The following MUC17 variants were observed in gnomAD, a reference collection of about 807,000 sequenced individuals.
The protein encoded by MUC17 is mucin 17, cell surface associated.
In MUC17, 190 loss-of-function variants were observed where a neutral mutation model predicts 170.3. That is an observed-to-expected ratio of 1.12 (90% CI 0.99 to 1.26). The LOEUF is 1.26. Ranked by LOEUF, MUC17 falls within the 50% of genes most tolerant of loss-of-function variation. The pLI is 0.00. For missense variants in MUC17, 6,415 were observed against 5,530.0 expected (o/e 1.16, Z -5.08); for synonymous variants, 2,325 against 2,002.5 (o/e 1.16, Z -4.30).
chr7:101,034,347 T>C lies in MUC17; in HGVS notation c.2931T>C (p.Thr977=), dbSNP rs1794391406. 5.0e-6 allele frequency: 8 copies of C among 1,608,528 alleles called. No homozygotes were observed. The highest frequency in any genetic ancestry group is 6.8e-6 in the Non-Finnish European group (8 of 1,177,636). ...TAEGTSIPTS[T]PSEGTTPLTS... ...AAGGTACCAGCATACCAACCTCGAC[T>C]CCTAGTGAAGGAACGACTCCATTAA... Residue 977 remains threonine, a synonymous_variant, in exon 3 of 13, where the codon ACT becomes ACC. Coordinates refer to ENST00000306151, the MANE Select transcript of MUC17 (RefSeq NM_001040105.2).
At chr7:101,026,672 A>G (rs989749179) in intron 1 of MUC17, among the ~76,000 whole-genome samples, 7 of 152,022 alleles carry the variant, frequency 4.6e-5, no homozygotes, top group Admixed American at 3.9e-4. Flanking sequence ...GCAGCCTTGA[A>G]CTCCTGGGCT....
chr7:101,022,954 A>G (rs968233375), intron 1 of MUC17, among the ~76,000 whole-genome samples: 1 of 152,180 alleles, frequency 6.6e-6, no homozygotes, highest in African/African-American at 2.4e-5. Flanking sequence ...GGCTGTCATT[A>G]TAAAGCACAG....
rs919601060 is a variant in MUC17, at chr7:101,058,480, C to T, written c.*436C>T. The T allele has an allele frequency of 1.3e-5, 2 of 154,290 alleles. No individual in the cohort carries two copies. Among genetic ancestry groups the T allele is most frequent in the African/African-American group, 4.8e-5 (2 of 41,492 alleles). 9.6% of individuals were successfully genotyped at this position (154,290 alleles called of 1,614,324 possible). The stretch of plus-strand genomic sequence containing the variant: ...ACGACCTTCTCTGATAGAGGAGGAC[C>T]ACGCTTCAGTCAAAGGCATACAAGT... On this transcript the variant is annotated 3_prime_UTR_variant, in exon 13 of 13. Transcript: ENST00000306151.
In MUC17 at chr7:101,039,154, C is replaced by A; in HGVS notation, c.7738C>A (p.Pro2580Thr). The A allele has an allele frequency of 1.9e-6, 3 of 1,614,018 alleles. No homozygotes were observed. Among genetic ancestry groups the A allele is most frequent in the Non-Finnish European group, 2.5e-6 (3 of 1,179,964 alleles). ...AGGAAGCACTCCATTAAGAAGTATG[C>A]CTGTCAGCACCAAGCCGTTGGCCAG... Reference protein sequence around the residue: ...SEGSTPLRSMPVSTKPLASSE... With the variant: ...SEGSTPLRSMTVSTKPLASSE... The change falls in exon 3 of 13, where the codon CCT becomes ACT. Residue 2580 changes from proline to threonine, a missense_variant. Pro to Thr is a conservative substitution (Grantham distance 38). Transcript: ENST00000306151.
At position 101,051,965 on chromosome 7, in the gene MUC17, G is replaced by A; in HGVS notation, c.13103+3G>A. ...TCTCTAAGTGGACCTCAGTGCCTGT[G>A]AGTGCTCCCCCATCTCCTCCAGCCC... On this transcript the variant is annotated splice_donor_region_variant and intron_variant, in intron 9 of 12. Coordinates refer to ENST00000306151, the MANE Select transcript of MUC17 (RefSeq NM_001040105.2). 3 of 1,610,984 alleles carry A rather than the reference G, an allele frequency of 1.9e-6. No individual in the cohort carries two copies. Among genetic ancestry groups the A allele is most frequent in the East Asian group, 2.2e-5 (1 of 44,820 alleles).
Position 101,036,335 on chromosome 7 carries a change from C to T in MUC17, c.4919C>T (p.Thr1640Ile), listed in dbSNP as rs1441811246. 6.2e-7 allele frequency: 1 copy of T among 1,613,146 alleles called. No homozygotes were observed. The highest frequency in any genetic ancestry group is 8.5e-7 in the Non-Finnish European group (1 of 1,179,618). The change falls in exon 3 of 13, where the codon ACC becomes ATC. Residue 1640 changes from threonine (T) to isoleucine (I), a missense_variant. Coordinates refer to ENST00000306151, the MANE Select transcript of MUC17 (RefSeq NM_001040105.2). Reference protein sequence around the residue: ...SPLLTSIPVSTTPVASPEAST... With the variant: ...SPLLTSIPVSITPVASPEAST... ...CTATTAACAAGTATACCTGTCAGCACCACGCCGGTGGCCAGTCCTGAGGCT... is the reference window on the plus strand; with the variant it reads ...CTATTAACAAGTATACCTGTCAGCATCACGCCGGTGGCCAGTCCTGAGGCT...
Position 101,031,883 on chromosome 7 carries a change from G to A in MUC17, c.467G>A (p.Ser156Asn), listed in dbSNP as rs111227419. ...DVPMSTPSEE[S>N]ISSTMAFVST... Reference sequence around the variant, plus strand: ...CCCATGTCAACACCAAGTGAAGAAAGCATTTCATCAACAATGGCTTTTGTC... The same window carrying A: ...CCCATGTCAACACCAAGTGAAGAAAACATTTCATCAACAATGGCTTTTGTC... Residue 156 changes from serine to asparagine, a missense_variant, in exon 3 of 13, where the codon AGC becomes AAC. Transcript: ENST00000306151. 164 of 1,614,104 alleles carry A rather than the reference G, an allele frequency of 1.0e-4. No homozygotes were observed. In the African/African-American group the frequency reaches 1.7e-3, roughly 17 times the overall value.
At chr7:101,030,085 G>A (rs1235821928) in intron 1 of MUC17, among the ~76,000 whole-genome samples, 1 of 151,984 alleles carries the variant, frequency 6.6e-6, no homozygotes, top group Non-Finnish European at 1.5e-5. Context: ...TTGTTCTACG[G>A]GTCTAATTAA....
chr7:101,025,810 A>AG (rs1290412926), intron 1 of MUC17, among the ~76,000 whole-genome samples: 2 of 150,992 alleles, frequency 1.3e-5, no homozygotes, highest in Non-Finnish European at 3.0e-5. Context: ...AAAAAAAAAA[A>AG]AGCTGGGCAT....
rs772957849 is a variant in MUC17, at chr7:101,043,029, A to G, written c.11613A>G (p.Glu3871=). 6.2e-7 allele frequency: 1 copy of G among 1,614,150 alleles called. No individual in the cohort carries two copies. The highest frequency in any genetic ancestry group is 2.2e-5 in the East Asian group (1 of 44,884). The change falls in exon 3 of 13, where the codon GAA becomes GAG. Residue 3871 remains glutamate, a synonymous_variant. Coordinates refer to ENST00000306151, the MANE Select transcript of MUC17 (RefSeq NM_001040105.2). ...VTTIRISITS[E]RSTPLTTLLV... ...CCATACGTATTTCAATTACCAGTGA[A>G]AGAAGCACTCCATTAACAACTCTCC... is the stretch of plus-strand genomic sequence containing the variant.
rs1388764311 is a variant in MUC17 at position 101,051,384 on chromosome 7, A to G, written c.12875-229A>G. ...CATCTCAAAAAAAAAAAAAAAAAAA[A>G]AAAAAGAGTAAGAAAGAAAATAAGA... is the stretch of plus-strand genomic sequence containing the variant. On this transcript the variant is annotated intron_variant, in intron 7 of 12. Coordinates refer to ENST00000306151, the MANE Select transcript of MUC17 (RefSeq NM_001040105.2). 8.6e-5 allele frequency among the ~76,000 whole-genome samples: 13 copies of G among 151,118 alleles called. No homozygotes were observed. The South Asian group carries it at 2.1e-3, about 24-fold the overall frequency.
At chr7:101,024,406 A>G (rs1041575966) in intron 1 of MUC17, among the ~76,000 whole-genome samples, 3 of 151,916 alleles carry the variant, frequency 2.0e-5, no homozygotes, top group Non-Finnish European at 4.4e-5. Flanking sequence ...TCTCAAAAAA[A>G]AAAAAGAAAA....
rs367812705 is a variant in MUC17 at position 101,040,577 on chromosome 7, G to T, written c.9161G>T (p.Ser3054Ile). 3.1e-6 allele frequency: 5 copies of T among 1,612,700 alleles called. No homozygotes were observed. The African/African-American group carries it at 6.7e-5, about 22-fold the overall frequency. ...ACTCCATTAACAAGTATACCTGTCA[G>T]CACCACGCCAGTGGCCATTCCTGAG... ...GSTPLTSIPV[S>I]TTPVAIPEAS... Residue 3054 changes from serine to isoleucine, a missense_variant, in exon 3 of 13, where the codon AGC (serine) becomes ATC (isoleucine). Physicochemically the swap from Ser to Ile is moderately radical, Grantham distance 142. Coordinates refer to ENST00000306151, the MANE Select transcript of MUC17 (RefSeq NM_001040105.2).
In MUC17 at chr7:101,037,330, G is replaced by A; in HGVS notation, c.5914G>A (p.Gly1972Ser). The A allele has an allele frequency of 1.2e-6, 2 of 1,614,092 alleles. No individual in the cohort carries two copies. The highest frequency in any genetic ancestry group is 1.7e-6 in the Non-Finnish European group (2 of 1,179,990). The change falls in exon 3 of 13, where the codon GGT (glycine) becomes AGT (serine). Residue 1972 changes from glycine to serine, a missense_variant. Transcript: ENST00000306151. The stretch of plus-strand genomic sequence containing the variant: ...CAGTTCATCTCCTACAACTGCTGAT[G>A]GTACCAGCATGCCAACCCCAGCTTA... ...QASSSPTTADGTSMPTPAYSE... is the reference protein window; with the variant it reads ...QASSSPTTADSTSMPTPAYSE...
At position 101,042,512 on chromosome 7, in the gene MUC17, T is replaced by C. The variant is rs373536556; in HGVS notation, c.11096T>C (p.Met3699Thr). Residue 3699 changes from methionine (M) to threonine (T), a missense_variant, in exon 3 of 13, where the codon ATG becomes ACG. Physicochemically the swap from Met to Thr is moderately conservative, Grantham distance 81. Coordinates refer to ENST00000306151, the MANE Select transcript of MUC17 (RefSeq NM_001040105.2). The stretch of plus-strand genomic sequence containing the variant: ...GAAGGAAGCACTCCATTAACAACTA[T>C]GCCTGTCAGCACCACACGTGTGACC... ...PSEGSTPLTTMPVSTTRVTSS... is the reference protein window; with the variant it reads ...PSEGSTPLTTTPVSTTRVTSS... The C allele has an allele frequency of 6.2e-7, 1 of 1,614,074 alleles. No individual in the cohort carries two copies. The highest frequency in any genetic ancestry group is 1.3e-5 in the African/African-American group (1 of 75,018).
Position 101,035,495 on chromosome 7 carries a change from C to T in MUC17, c.4079C>T (p.Thr1360Ile), listed in dbSNP as rs183213646. 104 of 1,602,512 alleles carry T rather than the reference C, an allele frequency of 6.5e-5. No individual in the cohort carries two copies. The Middle Eastern group carries it at 1.3e-3, about 21-fold the overall frequency. Residue 1360 changes from threonine to isoleucine, a missense_variant, in exon 3 of 13, where the codon ACT becomes ATT. Coordinates refer to ENST00000306151, the MANE Select transcript of MUC17 (RefSeq NM_001040105.2). Reference sequence around the variant, plus strand: ...TCTGCAATCAGCATCCTTTCAACAACTCCTGTTGACAACAGCACACCTGTG... The same window carrying T: ...TCTGCAATCAGCATCCTTTCAACAATTCCTGTTGACAACAGCACACCTGTG... ...ASSAISILSTTPVDNSTPVTT... is the reference protein window; with the variant it reads ...ASSAISILSTIPVDNSTPVTT...
Position 101,050,581 on chromosome 7 carries a change from G to A in MUC17, c.12820G>A (p.Glu4274Lys), listed in dbSNP as rs757129784. ...GGACAATGCCACCGAAGTAGTGAAA[G>A]AGAAAATCACAAAAGTGACCACACA... ...VLDNATEVVK[E>K]KITKVTTQQI... The change falls in exon 7 of 13, where the codon GAG becomes AAG. Residue 4274 changes from glutamate (E) to lysine (K), a missense_variant. Transcript: ENST00000306151. The A allele has an allele frequency of 1.2e-6, 2 of 1,614,164 alleles. No homozygotes were observed. Among genetic ancestry groups the A allele is most frequent in the Non-Finnish European group, 1.7e-6 (2 of 1,180,000 alleles).
At position 101,037,011 on chromosome 7, in the gene MUC17, A is replaced by G; in HGVS notation, c.5595A>G (p.Gly1865=). Residue 1865 remains glycine (G), a synonymous_variant, in exon 3 of 13, where the codon GGA becomes GGG. Transcript: ENST00000306151. The stretch of plus-strand genomic sequence containing the variant: ...TAGCAACCTCAACGCCTAGTGAAGG[A>G]AGCACTGCATTAACAAGTATACCTG... ...TSIATSTPSE[G]STALTSIPVS... is the part of the protein sequence containing the mutation. 6 of 1,584,012 alleles carry G rather than the reference A, an allele frequency of 3.8e-6. No individual in the cohort carries two copies. The highest frequency in any genetic ancestry group is 5.1e-6 in the Non-Finnish European group (6 of 1,179,062).
intron 12 of MUC17, among the ~76,000 whole-genome samples, chr7:101,056,743 A>C (rs1795052762): frequency 6.6e-6 from 1 of 152,204 alleles, no homozygotes; most frequent in Non-Finnish European, 1.5e-5. Context: ...ATTTCAGCAC[A>C]CACTTCCCAA....
Sources: gnomAD v4.1 joint callset for allele counts (sites outside exome capture counted in the v4.1 genomes callset) on GRCh38, gnomAD v4.1.1 for gene constraint, MANE v1.5 for transcripts, NCBI Gene and HGNC (gene_info 2026-07-23, HGNC 2026-07-21) for gene names.